SYNPR: variants seen among roughly 807,000 people sequenced by gnomAD.
SYNPR encodes synaptoporin.
A neutral mutation model predicts 32.9 loss-of-function variants in SYNPR; 23 were observed. The observed-to-expected ratio is 0.70, with a 90% CI of 0.50 to 0.99. The LOEUF is 0.99. Ranked by LOEUF, SYNPR falls within the 50% of genes least tolerant of loss-of-function variation. SYNPR has a pLI of 0.00. For synonymous variants in SYNPR, 146 were observed against 135.9 expected (o/e 1.07, Z -0.52); for missense variants, 318 against 349.3 (o/e 0.91, Z 0.71).
chr3:63,219,324 A>G, the SYNPR span, among the ~76,000 whole-genome samples: 1 of 152,210 alleles, frequency 6.6e-6, no homozygotes, highest in African/African-American at 2.4e-5. Flanking sequence ...GTGCGTCCAG[A>G]GTACAGAGGA....
intron 2 of SYNPR, among the ~76,000 whole-genome samples, chr3:63,305,283 G>A (rs2106946152): frequency 6.6e-6 from 1 of 152,158 alleles, no homozygotes; most frequent in South Asian, 2.1e-4. Context: ...AATGTCATGA[G>A]ATACGCTGAG....
chr3:63,289,575 C>T (rs1260619945), intron 2 of SYNPR: 1 of 152,156 alleles, frequency 6.6e-6, no homozygotes, highest in Admixed American at 6.5e-5. Flanking sequence ...CATTCACACA[C>T]CCCTCCCCTA....
chr3:63,387,974 C>T (rs1302008656), intron 2 of SYNPR, among the ~76,000 whole-genome samples: 2 of 152,054 alleles, frequency 1.3e-5, no homozygotes, highest in Non-Finnish European at 1.5e-5. Context: ...GGGATGGGAG[C>T]AGGCTGGGGC....
intron 3 of SYNPR, among the ~76,000 whole-genome samples, chr3:63,540,930 A>AACACACACACACACACAC (rs58295090): frequency 4.8e-4 from 59 of 122,828 alleles, no homozygotes; most frequent in African/African-American, 1.2e-3. Context: ...TCCCCCCCCC[A>AACACACACACACACACAC]ACACACACAC....
chr3:63,441,750 T>C (rs1700180833), intron 2 of SYNPR, among the ~76,000 whole-genome samples: 1 of 152,142 alleles, frequency 6.6e-6, no homozygotes, highest in Non-Finnish European at 1.5e-5. Context: ...CATGTACAGT[T>C]TGAAGAATTG....
chr3:63,561,132 C>G (rs988991338), intron 4 of SYNPR, among the ~76,000 whole-genome samples: 1 of 152,130 alleles, frequency 6.6e-6, no homozygotes. Context: ...TAGTTCACAT[C>G]CAAAAAATTA....
chr3:63,221,068 G>T, the SYNPR span, among the ~76,000 whole-genome samples: 1 of 152,164 alleles, frequency 6.6e-6, no homozygotes, highest in African/African-American at 2.4e-5. Context: ...GAGAGATGCA[G>T]ATCAAGTACA....
intron 2 of SYNPR, among the ~76,000 whole-genome samples, chr3:63,460,605 G>A (rs1700566846): frequency 6.9e-6 from 1 of 144,362 alleles, no homozygotes; most frequent in South Asian, 2.2e-4. Context: ...AGCCAAGATT[G>A]GTTTGTAAGG....
intron 2 of SYNPR, among the ~76,000 whole-genome samples, chr3:63,448,096 C>T (rs1575649342): frequency 6.6e-6 from 1 of 152,124 alleles, no homozygotes; most frequent in Admixed American, 6.5e-5. Context: ...CTCAGCCTCC[C>T]GGGTTCAAGT....
At chr3:63,499,947 G>T (rs1450451927) in intron 3 of SYNPR, among the ~76,000 whole-genome samples, 3 of 151,830 alleles carry the variant, frequency 2.0e-5, no homozygotes, top group Non-Finnish European at 2.9e-5. Context: ...AGTCAAAATG[G>T]AAGGCTAAAG....
intron 2 of SYNPR, among the ~76,000 whole-genome samples, chr3:63,264,505 C>T (rs956970400): frequency 6.6e-6 from 1 of 152,098 alleles, no homozygotes; most frequent in African/African-American, 2.4e-5. Flanking sequence ...TTATTATAAA[C>T]GGAAACAACT....
At chr3:63,576,808 A>G (rs1169766618) in intron 4 of SYNPR, among the ~76,000 whole-genome samples, 1 of 151,812 alleles carries the variant, frequency 6.6e-6, no homozygotes, top group African/African-American at 2.4e-5. Context: ...AAAAAAAGAA[A>G]GAAAGAAAAA....
intron 2 of SYNPR, among the ~76,000 whole-genome samples, chr3:63,392,660 T>C (rs963874420): frequency 6.6e-6 from 1 of 152,194 alleles, no homozygotes; most frequent in Non-Finnish European, 1.5e-5. Flanking sequence ...GGTTCAGCCT[T>C]AATATCCAGC....
At chr3:63,296,496 T>C (rs1373154823) in intron 2 of SYNPR, among the ~76,000 whole-genome samples, 1 of 152,146 alleles carries the variant, frequency 6.6e-6, no homozygotes, top group Non-Finnish European at 1.5e-5. Context: ...AGAAATTTGG[T>C]GTTTGGAAAT....
At chr3:63,244,749 C>G (rs1039028816) in intron 1 of SYNPR, among the ~76,000 whole-genome samples, 2 of 152,056 alleles carry the variant, frequency 1.3e-5, no homozygotes, top group African/African-American at 4.8e-5. Flanking sequence ...ATACAGATGT[C>G]CTCTTAAATC....
the SYNPR span, among the ~76,000 whole-genome samples, chr3:63,205,483 T>C: frequency 3.9e-5 from 6 of 152,206 alleles, no homozygotes; most frequent in Non-Finnish European, 8.8e-5. Flanking sequence ...ATATTCCCCA[T>C]CACTTATAGG....
At chr3:63,241,923 A>C (rs2086251836) in intron 1 of SYNPR, among the ~76,000 whole-genome samples, 1 of 152,090 alleles carries the variant, frequency 6.6e-6, no homozygotes, top group East Asian at 1.9e-4. Context: ...ATAATCAGCT[A>C]AAAGTTATAT....
intron 4 of SYNPR, among the ~76,000 whole-genome samples, chr3:63,565,732 T>C (rs2106840141): frequency 6.6e-6 from 1 of 152,280 alleles, no homozygotes; most frequent in Non-Finnish European, 1.5e-5. Flanking sequence ...TGAGGCACCA[T>C]CTTGGAGGTT....
At chr3:63,383,302 T>G (rs2087995633) in intron 2 of SYNPR, among the ~76,000 whole-genome samples, 1 of 152,228 alleles carries the variant, frequency 6.6e-6, no homozygotes, top group East Asian at 1.9e-4. Context: ...GAGCATAAAA[T>G]AAGATGCAAT....
Sources: gnomAD v4.1 joint callset for allele counts (sites outside exome capture counted in the v4.1 genomes callset) on GRCh38, gnomAD v4.1.1 for gene constraint, MANE v1.5 for transcripts, NCBI Gene and HGNC (gene_info 2026-07-23, HGNC 2026-07-21) for gene names.